The following WDR62 variants were observed in gnomAD, a reference collection of about 807,000 sequenced individuals.
WDR62 encodes the protein WD repeat-containing protein 62.
In WDR62, 112 loss-of-function variants were observed where a neutral mutation model predicts 160.6. That is an observed-to-expected ratio of 0.70 (90% CI 0.60 to 0.82). WDR62 has a LOEUF of 0.82. WDR62 is among the 40% of genes least tolerant of loss of function. The pLI is 0.00. For synonymous variants in WDR62, 792 were observed against 815.1 expected (o/e 0.97, Z 0.48); for missense variants, 1,819 against 1,983.8 (o/e 0.92, Z 1.58).
chr19:36,103,774 C>T lies in WDR62; in HGVS notation c.3946C>T (p.Gln1316Ter). The change falls in exon 30 of 32, where the codon CAG becomes TAG. Residue 1316 changes from glutamine to a stop codon, truncating the protein, a stop_gained. Coordinates refer to ENST00000401500, the MANE Select transcript of WDR62 (RefSeq NM_001083961.2). LOFTEE classifies it high-confidence loss of function. ...GCTCCTGCAGCCCCCCGTGGATACC[C>T]AGCCTGGCGTCACCGTCCCTGCAGT... Reference protein sequence around the residue: ...DGLLQPPVDTQPGVTVPAVSF... With the variant: ...DGLLQPPVDT 6.2e-7 allele frequency: 1 copy of T among 1,610,452 alleles called. No homozygotes were observed. The highest frequency in any genetic ancestry group is 8.5e-7 in the Non-Finnish European group (1 of 1,179,660).
Position 36,103,752 on chromosome 19 carries a change from C to T in WDR62, c.3924C>T (p.Leu1308=), listed in dbSNP as rs1453507376. ...RLTLSSACDG[L]LQPPVDTQPG... ...CCCTGTCAAGTGCCTGTGATGGGCT[C>T]CTGCAGCCCCCCGTGGATACCCAGC... Residue 1308 remains leucine, a synonymous_variant, in exon 30 of 32, where the codon CTC becomes CTT. Coordinates refer to ENST00000401500, the MANE Select transcript of WDR62 (RefSeq NM_001083961.2). 6.2e-7 allele frequency: 1 copy of T among 1,611,516 alleles called. No individual in the cohort carries two copies.
chr19:36,102,948 G>T lies in WDR62; in HGVS notation c.3336G>T (p.Arg1112Ser). 6.2e-7 allele frequency: 1 copy of T among 1,614,100 alleles called. No individual in the cohort carries two copies. Among genetic ancestry groups the T allele is most frequent in the Non-Finnish European group, 8.5e-7 (1 of 1,180,026 alleles). Residue 1112 changes from arginine (R) to serine (S), a missense_variant and splice_region_variant, in exon 28 of 32, where the codon AGG (arginine) becomes AGT (serine). Arg to Ser is a moderately radical substitution (Grantham distance 110). This residue lies in a region of WDR62 where 770 missense variants were observed against 734.2 expected (regional missense o/e 1.05). Transcript: ENST00000401500. ...ATCCCCCCTGCTCTCCTCCCCACAG[G>T]TTCACCCATACCTTCCCTCCCCGGG... ...QFLSSLQKASRFTHTFPPRAT... is the reference protein window; with the variant it reads ...QFLSSLQKASSFTHTFPPRAT...
chr19:36,084,314 G>A (rs940777096), intron 11 of WDR62, among the ~76,000 whole-genome samples: 3 of 151,966 alleles, frequency 2.0e-5, no homozygotes, highest in African/African-American at 7.3e-5. Context: ...ATGACCTCTG[G>A]CCCCTAGCCC....
Position 36,081,580 on chromosome 19 carries a change from T to G in WDR62, c.1371+10T>G, listed in dbSNP as rs1420811496. On this transcript the variant is annotated intron_variant, in intron 10 of 31. Transcript: ENST00000401500. ...AAACATCTTCAGCAATGTGAGTGGC[T>G]TCCTTTGTGAACCATCTTTCAGGAG... The G allele has an allele frequency of 6.2e-7, 1 of 1,614,168 alleles. No individual in the cohort carries two copies. The highest frequency in any genetic ancestry group is 8.5e-7 in the Non-Finnish European group (1 of 1,180,020).
Position 36,091,085 on chromosome 19 carries a change from T to TAC in WDR62, c.2035-115_2035-114insAC, listed in dbSNP as rs1568356190. On this transcript the variant is annotated intron_variant, in intron 16 of 31. Transcript: ENST00000401500. The stretch of plus-strand genomic sequence containing the variant: ...CGTGTCGAATGGGAGCGGGAGCTCC[T>TAC]GCCCTGCCAGAGTCCCATGTGCTGT... 1.7e-5 allele frequency: 15 copies of TAC among 869,062 alleles called. No homozygotes were observed. In the Admixed American group the frequency reaches 3.0e-4, roughly 17 times the overall value. The allele number at this position is 869,062 out of a possible 1,614,324, so 53.8% of individuals were successfully genotyped here.
chr19:36,101,816 C>G, intron 25 of WDR62, 42 bp downstream of exon 25: 1 of 1,530,088 alleles, frequency 6.5e-7, no homozygotes, highest in Non-Finnish European at 8.9e-7. Flanking sequence ...CTGCTCGGGC[C>G]TGGCTTAGGG....
In WDR62 at chr19:36,068,022, C is replaced by T; in HGVS notation, c.882+12C>T. 3 of 1,611,752 alleles carry T rather than the reference C, an allele frequency of 1.9e-6. No individual in the cohort carries two copies. Among genetic ancestry groups the T allele is most frequent in the Middle Eastern group, 1.6e-4 (1 of 6,062 alleles). On this transcript the variant is annotated intron_variant, in intron 7 of 31. Transcript: ENST00000401500. ...GGATCAACCTGAAGGTACCACCTCC[C>T]TCTCTGCCATCAGCTGGACAGACTC...
intron 1 of WDR62, among the ~76,000 whole-genome samples, chr19:36,055,661 A>AT (rs891640517): frequency 6.6e-6 from 1 of 152,144 alleles, no homozygotes; most frequent in Admixed American, 6.5e-5. Flanking sequence ...ACTCAAAACT[A>AT]TGAGAAAGAC....
At chr19:36,088,249 C>G (rs1422370562) in intron 13 of WDR62, among the ~76,000 whole-genome samples, 1 of 151,932 alleles carries the variant, frequency 6.6e-6, no homozygotes, top group African/African-American at 2.4e-5. Context: ...ATGAGACGGC[C>G]GGGGGCATCT....
intron 2 of WDR62, 91 bp downstream of exon 2, chr19:36,058,962 A>ATT (rs1371176735): frequency 9.5e-7 from 1 of 1,053,448 alleles, no homozygotes; most frequent in Admixed American, 2.0e-5. Context: ...TGAGCCTCAT[A>ATT]TTTTTCACCT....
intron 2 of WDR62, 43 bp from the exon 3 acceptor site, chr19:36,059,925 A>T: frequency 2.5e-6 from 4 of 1,609,384 alleles, no homozygotes; most frequent in Non-Finnish European, 3.4e-6. Context: ...CCAGGACCCC[A>T]ACACTCCCCA....
At chr19:36,093,272 G>T (rs1048649509) in intron 19 of WDR62, among the ~76,000 whole-genome samples, 4 of 152,170 alleles carry the variant, frequency 2.6e-5, no homozygotes, top group African/African-American at 9.7e-5. Flanking sequence ...GTAGACAGGG[G>T]ATCTGAGGGG....
chr19:36,084,808 A>G, intron 12 of WDR62, 64 bp downstream of exon 12: 1 of 1,462,454 alleles, frequency 6.8e-7, no homozygotes, highest in South Asian at 1.1e-5. Context: ...GCAGGGCCAC[A>G]GAAAGGGGTA....
chr19:36,063,703 A>G (rs1442731805), intron 3 of WDR62, among the ~76,000 whole-genome samples: 1 of 152,198 alleles, frequency 6.6e-6, no homozygotes, highest in African/African-American at 2.4e-5. Context: ...GCCTCCTCTC[A>G]GGAGGTCTCC....
At position 36,071,735 on chromosome 19, in the gene WDR62, A is replaced by T. The variant is rs1971310848; in HGVS notation, c.1043+19A>T. The T allele has an allele frequency of 6.2e-7, 1 of 1,603,878 alleles. No homozygotes were observed. The highest frequency in any genetic ancestry group is 8.5e-7 in the Non-Finnish European group (1 of 1,173,120). On this transcript the variant is annotated intron_variant, in intron 8 of 31. Transcript: ENST00000401500. ...AGCCCAGGTACTGCCCTGTGGGGAGAGGGAATGGGAGGGGCCCACCCAGAG... is the reference window on the plus strand; with the variant it reads ...AGCCCAGGTACTGCCCTGTGGGGAGTGGGAATGGGAGGGGCCCACCCAGAG...
chr19:36,082,777 G>A (rs1330938525), intron 10 of WDR62, among the ~76,000 whole-genome samples: 2 of 152,218 alleles, frequency 1.3e-5, no homozygotes, highest in African/African-American at 4.8e-5. Flanking sequence ...TCATGACCCA[G>A]TGTGGCTATG....
chr19:36,072,858 G>T (rs539161290), intron 8 of WDR62, among the ~76,000 whole-genome samples: 1 of 152,154 alleles, frequency 6.6e-6, no homozygotes, highest in African/African-American at 2.4e-5. Flanking sequence ...GTGGTTGTGA[G>T]AATTTATTGC....
At chr19:36,104,441 G>A (rs919939692) in intron 30 of WDR62, 77 bp from the exon 31 acceptor site, 21 of 1,569,392 alleles carry the variant, frequency 1.3e-5, no homozygotes, top group Non-Finnish European at 1.8e-5. Flanking sequence ...GTACAGCATG[G>A]AGTCCACCCA....
rs755652297 is a variant in WDR62, at chr19:36,103,510, A to G, written c.3682A>G (p.Ile1228Val). ...MEATASSRAR[I>V]SRSISLGDSE... Reference sequence around the variant, plus strand: ...GGCCACTGCCAGCTCCCGTGCCAGGATATCACGCAGCATCTCCCTCGGTGA... The same window carrying G: ...GGCCACTGCCAGCTCCCGTGCCAGGGTATCACGCAGCATCTCCCTCGGTGA... The change falls in exon 30 of 32, where the codon ATA becomes GTA. Residue 1228 changes from isoleucine (I) to valine (V), a missense_variant. Ile to Val is a conservative substitution (Grantham distance 29). This residue lies in a region of WDR62 where 770 missense variants were observed against 734.2 expected (regional missense o/e 1.05). Transcript: ENST00000401500. 1.2e-6 allele frequency: 2 copies of G among 1,614,056 alleles called. No individual in the cohort carries two copies. Among genetic ancestry groups the G allele is most frequent in the Non-Finnish European group, 1.7e-6 (2 of 1,180,006 alleles).
Sources: gnomAD v4.1 joint callset for allele counts (sites outside exome capture counted in the v4.1 genomes callset) on GRCh38, gnomAD v4.1.1 for gene constraint, gnomAD v4.1.1 regional missense constraint, MANE v1.5 for transcripts, NCBI Gene and HGNC (gene_info 2026-07-23, HGNC 2026-07-21) for gene names.